Variants in DNHD1 observed in about 807,000 individuals in gnomAD.
DNHD1 encodes dynein heavy chain domain 1.
In DNHD1, 383 loss-of-function variants were observed where a neutral mutation model predicts 458.1. The observed-to-expected ratio is 0.84, with a 90% CI of 0.77 to 0.91. DNHD1 has a LOEUF of 0.91. Among genes scored for constraint, DNHD1 ranks in the 40% least tolerant of loss-of-function variants. The pLI is 0.00. For synonymous variants in DNHD1, 2,203 were observed against 2,376.9 expected (o/e 0.93, Z 2.13); for missense variants, 5,336 against 5,866.1 (o/e 0.91, Z 2.95).
At chr11:6,563,271 G>C in intron 29 of DNHD1, 111 bp from the exon 30 acceptor site, 6 of 1,498,986 alleles carry the variant, frequency 4.0e-6, no homozygotes, top group Non-Finnish European at 5.5e-6. Context: ...AGGATGGCTT[G>C]GGGAGTGGCC....
At chr11:6,537,791 C>G (rs187183320) in intron 14 of DNHD1, among the ~76,000 whole-genome samples, 3 of 152,100 alleles carry the variant, frequency 2.0e-5, no homozygotes, top group Non-Finnish European at 4.4e-5. Context: ...ATTAGCCTGA[C>G]ATGGTGGTGT....
intron 4 of DNHD1, 136 bp from the exon 5 acceptor site, chr11:6,508,744 G>T: frequency 1.4e-6 from 1 of 695,068 alleles, no homozygotes. Flanking sequence ...AAATCATTCT[G>T]CTCTCTTTGC....
chr11:6,565,553 G>C, intron 32 of DNHD1, 142 bp from the exon 33 acceptor site: 1 of 830,998 alleles, frequency 1.2e-6, no homozygotes, highest in Non-Finnish European at 1.8e-6. Flanking sequence ...TAAGAAAATT[G>C]AGTCATAGAG....
At position 6,556,806 on chromosome 11, in the gene DNHD1, T is replaced by C. The variant is rs768444397; in HGVS notation, c.7511T>C (p.Val2504Ala). ...LQPTVNFLAT[V>A]TVPGYCERPL... ...CCTACAGTCAACTTCCTTGCCACTG[T>C]CACAGTGCCAGGATACTGTGAGCGC... Residue 2504 changes from valine (V) to alanine (A), a missense_variant, in exon 25 of 43, where the codon GTC (valine) becomes GCC (alanine). Coordinates refer to ENST00000254579, the MANE Select transcript of DNHD1 (RefSeq NM_144666.3). The C allele has an allele frequency of 6.4e-7, 1 of 1,551,660 alleles. No individual in the cohort carries two copies. Among genetic ancestry groups the C allele is most frequent in the South Asian group, 1.2e-5 (1 of 84,054 alleles).
chr11:6,537,282 C>T (rs1852973457), intron 14 of DNHD1, among the ~76,000 whole-genome samples: 1 of 152,066 alleles, frequency 6.6e-6, no homozygotes, highest in Non-Finnish European at 1.5e-5. Flanking sequence ...CATGACAGGT[C>T]CTCTATGTGG....
rs1448847321 is a variant in DNHD1 at position 6,547,165 on chromosome 11, G to A, written c.6226G>A (p.Glu2076Lys). The A allele has an allele frequency of 6.4e-6, 10 of 1,551,672 alleles. No individual in the cohort carries two copies. In the East Asian group the frequency reaches 2.4e-4, roughly 38 times the overall value. ...NNMGQKRQTE[E>K]SIGIQHWIIC... ...CATGGGCCAAAAGAGGCAGACAGAG[G>A]AATCAATCGGGATCCAGCACTGGAT... The change falls in exon 21 of 43, where the codon GAA (glutamate) becomes AAA (lysine). Residue 2076 changes from glutamate (E) to lysine (K), a missense_variant. Coordinates refer to ENST00000254579, the MANE Select transcript of DNHD1 (RefSeq NM_144666.3).
chr11:6,544,497 C>G, intron 19 of DNHD1, 77 bp from the exon 20 acceptor site: 1 of 1,253,200 alleles, frequency 8.0e-7, no homozygotes, highest in Admixed American at 2.0e-5. Flanking sequence ...CCTGAGAGGT[C>G]AGGAGCAGGG....
chr11:6,560,100 A>C (rs1199993952), intron 28 of DNHD1, among the ~76,000 whole-genome samples: 1 of 152,230 alleles, frequency 6.6e-6, no homozygotes, highest in Non-Finnish European at 1.5e-5. Flanking sequence ...ACTAAAGAGC[A>C]GTTTTGTTTT....
intron 6 of DNHD1, 92 bp downstream of exon 6, chr11:6,509,364 C>T: frequency 8.8e-6 from 10 of 1,132,380 alleles, no homozygotes; most frequent in Non-Finnish European, 1.2e-5. Context: ...CTGAAAGATA[C>T]AAAAAAGCAC....
intron 10 of DNHD1, among the ~76,000 whole-genome samples, chr11:6,528,040 G>A (rs557922060): frequency 6.6e-6 from 1 of 152,330 alleles, no homozygotes; most frequent in East Asian, 1.9e-4. Context: ...CCACCAGTTA[G>A]ATCTACAAAA....
intron 16 of DNHD1, 57 bp downstream of exon 16, chr11:6,538,867 T>G: frequency 7.1e-7 from 1 of 1,409,494 alleles, no homozygotes; most frequent in Non-Finnish European, 9.4e-7. Flanking sequence ...GTTAGAGCGA[T>G]GCAGCAACTC....
chr11:6,570,743 C>T lies in DNHD1; in HGVS notation c.13231C>T (p.Arg4411Cys), dbSNP rs776219918. The T allele has an allele frequency of 3.7e-6, 6 of 1,611,404 alleles. No homozygotes were observed. The highest frequency in any genetic ancestry group is 3.3e-5 in the South Asian group (3 of 90,636). ...PQAWLLRRQS[R>C]ALLSALQRSS... ...AGCCTGGCTGTTGCGACGCCAGAGTCGCGCTCTCTTGAGTGCGCTGCAGCG... is the reference window on the plus strand; with the variant it reads ...AGCCTGGCTGTTGCGACGCCAGAGTTGCGCTCTCTTGAGTGCGCTGCAGCG... The change falls in exon 42 of 43, where the codon CGC becomes TGC. Residue 4411 changes from arginine (R) to cysteine (C), a missense_variant. Physicochemically the swap from Arg to Cys is radical, Grantham distance 180 (BLOSUM62 -3). Transcript: ENST00000254579.
Position 6,533,880 on chromosome 11 carries a change from C to G in DNHD1, c.2705C>G (p.Pro902Arg). 6.4e-7 allele frequency: 1 copy of G among 1,551,274 alleles called. No individual in the cohort carries two copies. Among genetic ancestry groups the G allele is most frequent in the Non-Finnish European group, 8.7e-7 (1 of 1,146,918 alleles). The change falls in exon 14 of 43, where the codon CCT (proline) becomes CGT (arginine). Residue 902 changes from proline to arginine, a missense_variant. Coordinates refer to ENST00000254579, the MANE Select transcript of DNHD1 (RefSeq NM_144666.3). ...CCACAACCACATCTACTCCACTGCCCTCTGCTTGCCCCACAGCTTCTGGAT... is the reference window on the plus strand; with the variant it reads ...CCACAACCACATCTACTCCACTGCCGTCTGCTTGCCCCACAGCTTCTGGAT... ...PPPQPHLLHC[P>R]LLAPQLLDMW... is the part of the protein sequence containing the mutation.
At chr11:6,566,082 T>G in intron 33 of DNHD1, 91 bp downstream of exon 33, 1 of 1,479,380 alleles carries the variant, frequency 6.8e-7, no homozygotes. Context: ...CTAACTTCAG[T>G]TCCCATCCTT....
At chr11:6,530,134 G>C (rs759910056) in intron 12 of DNHD1, among the ~76,000 whole-genome samples, 2 of 152,186 alleles carry the variant, frequency 1.3e-5, no homozygotes, top group Non-Finnish European at 2.9e-5. Context: ...CTACTCTGCT[G>C]TGACTGTTTC....
At chr11:6,565,214 G>A (rs967770782) in intron 32 of DNHD1, among the ~76,000 whole-genome samples, 4 of 152,196 alleles carry the variant, frequency 2.6e-5, no homozygotes, top group African/African-American at 4.8e-5. Context: ...TGAGAAAAAT[G>A]TGACCTTATT....
intron 30 of DNHD1, 56 bp from the exon 31 acceptor site, chr11:6,563,637 G>T: frequency 1.9e-6 from 3 of 1,545,438 alleles, no homozygotes; most frequent in South Asian, 2.4e-5. Flanking sequence ...TAAACTGTTG[G>T]GTCAAGGTCC....
chr11:6,538,900 A>T, intron 16 of DNHD1, 90 bp downstream of exon 16: 1 of 1,295,990 alleles, frequency 7.7e-7, no homozygotes, highest in Non-Finnish European at 1.0e-6. Flanking sequence ...CTCCTGCTGG[A>T]AACACCTTTC....
At chr11:6,516,528 C>T (rs534971148) in intron 7 of DNHD1, among the ~76,000 whole-genome samples, 19 of 151,398 alleles carry the variant, frequency 1.3e-4, no homozygotes, top group African/African-American at 4.4e-4. Context: ...AAACCCCTGA[C>T]CTCACGTGAT....
Sources: allele counts gnomAD v4.1 joint callset (sites outside exome capture counted in the v4.1 genomes callset), GRCh38; gene constraint gnomAD v4.1.1; transcripts MANE v1.5; gene names NCBI Gene and HGNC (gene_info 2026-07-23, HGNC 2026-07-21).